VAV2: variants seen among roughly 807,000 people sequenced by gnomAD.
VAV2 encodes vav guanine nucleotide exchange factor 2, also known as guanine nucleotide exchange factor VAV2.
VAV2 carries 67 observed loss-of-function variants against 132.5 expected under a neutral mutation model. That is an observed-to-expected ratio of 0.51 (90% CI 0.42 to 0.62). The LOEUF is 0.62. VAV2 is among the 20% of genes least tolerant of loss of function. VAV2 has a pLI of 0.00. For missense variants in VAV2, 938 were observed against 1,153.6 expected (o/e 0.81, Z 2.71); for synonymous variants, 492 against 443.5 (o/e 1.11, Z -1.37).
intron 2 of VAV2, among the ~76,000 whole-genome samples, chr9:133,907,194 C>G (rs1839689313): frequency 6.6e-6 from 1 of 152,246 alleles, no homozygotes; most frequent in African/African-American, 2.4e-5. Flanking sequence ...GGCACACAGA[C>G]ACATGCGGCC....
Position 133,768,669 on chromosome 9 carries a change from CA to C in VAV2, c.2435-74del. The C allele has an allele frequency of 1.3e-6, 2 of 1,536,500 alleles. No homozygotes were observed. Among genetic ancestry groups the C allele is most frequent in the Non-Finnish European group, 1.8e-6 (2 of 1,142,428 alleles). ...CCAGTGATCCAGGAGGCCCTTGGGC[CA>C]AGCTGGGTCTCTCCCCTGGTGCCCA... On this transcript the variant is annotated intron_variant, in intron 28 of 29. Transcript: ENST00000371850. The surrounding 1 kb of genome is among the most constrained non-coding windows in gnomAD (Gnocchi z 5.3).
chr9:133,832,005 G>A (rs1363270462), intron 4 of VAV2, among the ~76,000 whole-genome samples: 1 of 152,192 alleles, frequency 6.6e-6, no homozygotes, highest in Non-Finnish European at 1.5e-5. Flanking sequence ...GCCCAGCAGT[G>A]CCCAGCCCCA....
intron 3 of VAV2, among the ~76,000 whole-genome samples, chr9:133,858,237 A>G (rs1226469864): frequency 6.6e-6 from 1 of 152,224 alleles, no homozygotes; most frequent in Non-Finnish European, 1.5e-5. Flanking sequence ...GGCTGTGGGC[A>G]TGCAGGATCA....
chr9:133,933,500 G>C (rs1449377255), intron 2 of VAV2, among the ~76,000 whole-genome samples: 1 of 108,958 alleles, frequency 9.2e-6, no homozygotes, highest in Non-Finnish European at 2.0e-5. Context: ...TGGATGGATG[G>C]ATGGTGAATG....
intron 2 of VAV2, among the ~76,000 whole-genome samples, chr9:133,875,745 A>T (rs1236188526): frequency 6.6e-6 from 1 of 152,106 alleles, no homozygotes; most frequent in Non-Finnish European, 1.5e-5. Context: ...GAATGAATTG[A>T]CGTTTGTGAT....
In VAV2 at chr9:133,910,372, C is replaced by A. The variant is rs79030754; in HGVS notation, c.321+28731G>T. On this transcript the variant is annotated intron_variant, in intron 2 of 29. Coordinates refer to ENST00000371850, the MANE Select transcript of VAV2 (RefSeq NM_001134398.2). ...AGCCTACTCTAACTGGCGCAAGCTGCGAGTTCAGACCTTCCAGATGGAGGC... is the reference window on the plus strand; with the variant it reads ...AGCCTACTCTAACTGGCGCAAGCTGAGAGTTCAGACCTTCCAGATGGAGGC... Among the ~76,000 whole-genome samples, 1,289 of 152,272 alleles carry A rather than the reference C, an allele frequency of 8.5e-3. 21 individuals are homozygous for A. Among genetic ancestry groups the A allele is most frequent in the African/African-American group, 0.029 (1,210 of 41,552 alleles).
chr9:133,992,057 C>A lies in VAV2; in HGVS notation c.204+18G>T. On this transcript the variant is annotated intron_variant, in intron 1 of 29. Coordinates refer to ENST00000371850, the MANE Select transcript of VAV2 (RefSeq NM_001134398.2). The surrounding 1 kb of genome is among the most constrained non-coding windows in gnomAD (Gnocchi z 5.5). ...GAACGCCGCCTCCCCGGGGCCCTCC[C>A]GCCCGCCGGGCGCTCACCTGGGACA... The A allele has an allele frequency of 6.5e-7, 1 of 1,532,114 alleles. No homozygotes were observed. Among genetic ancestry groups the A allele is most frequent in the East Asian group, 2.7e-5 (1 of 36,994 alleles). 94.9% of individuals were successfully genotyped at this position (1,532,114 alleles called of 1,614,324 possible). A position where few individuals can be genotyped will look rare whatever the true frequency, so the allele number is the denominator to read the frequency against.
rs1409650702 is a variant in VAV2, at chr9:133,769,803, CA to C, written c.2348-301del. ...GCACATAGCAGGTGCTCACTAAGGC[CA>C]GCTGTTCCTCTCCTGTCCAGCTCGG... On this transcript the variant is annotated intron_variant, in intron 27 of 29. Coordinates refer to ENST00000371850, the MANE Select transcript of VAV2 (RefSeq NM_001134398.2). This position sits in a 1 kb window ranked among gnomAD's most constrained non-coding sequence, Gnocchi z 8.1. Among the ~76,000 whole-genome samples the C allele has an allele frequency of 6.6e-6, 1 of 152,218 alleles. No homozygotes were observed. The highest frequency in any genetic ancestry group is 1.5e-5 in the Non-Finnish European group (1 of 68,020).
At position 133,954,715 on chromosome 9, in the gene VAV2, C is replaced by G. The variant is rs914690436; in HGVS notation, c.205-15496G>C. On this transcript the variant is annotated intron_variant, in intron 1 of 29. Transcript: ENST00000371850. ...TGCGTGTGGGGTGCCCATGCACATA[C>G]ATGTGGGGGTGCGCAGGTGCTTAGG... Among the ~76,000 whole-genome samples, 4 of 152,174 alleles carry G rather than the reference C, an allele frequency of 2.6e-5. 1 individual carries two copies. Among genetic ancestry groups the G allele is most frequent in the Admixed American group, 2.0e-4 (3 of 15,282 alleles).
intron 3 of VAV2, among the ~76,000 whole-genome samples, chr9:133,839,492 C>T (rs1236818360): frequency 6.6e-6 from 1 of 151,370 alleles, no homozygotes; most frequent in African/African-American, 2.4e-5. Context: ...ACACTGTCAC[C>T]CGGGCTGGAG....
chr9:133,932,752 G>A (rs183234837), intron 2 of VAV2, among the ~76,000 whole-genome samples: 71 of 152,322 alleles, frequency 4.7e-4, no homozygotes, highest in Middle Eastern at 6.8e-3. Context: ...GGGCCCGCCT[G>A]GCTCCACCGA....
intron 2 of VAV2, among the ~76,000 whole-genome samples, chr9:133,901,419 AG>A (rs1232642847): frequency 2.0e-5 from 3 of 152,236 alleles, no homozygotes; most frequent in Non-Finnish European, 4.4e-5. Flanking sequence ...ATCAAGAGGC[AG>A]GGTCTGTGTC....
chr9:133,956,861 T>G (rs1841798694), intron 1 of VAV2, among the ~76,000 whole-genome samples: 1 of 152,130 alleles, frequency 6.6e-6, no homozygotes, highest in African/African-American at 2.4e-5. Flanking sequence ...GAGCCCTCTG[T>G]GGGGGACAGG....
intron 3 of VAV2, among the ~76,000 whole-genome samples, chr9:133,859,675 C>T (rs757787434): frequency 6.6e-6 from 1 of 151,204 alleles, no homozygotes; most frequent in Admixed American, 6.6e-5. Flanking sequence ...AGTATAACCA[C>T]GCCACTGACA....
At chr9:133,920,858 G>A (rs981575610) in intron 2 of VAV2, among the ~76,000 whole-genome samples, 2 of 152,160 alleles carry the variant, frequency 1.3e-5, no homozygotes, top group African/African-American at 4.8e-5. Flanking sequence ...TGTCCCAGGA[G>A]TCTCCAAGCA....
rs183825816 is a variant in VAV2, at chr9:133,987,112, C to T, written c.204+4963G>A. Reference sequence around the variant, plus strand: ...CAGAGAGGAGGAAGCCCAGCCGTGGCCCTGCCTTGGAGGGGCTCAGACCTG... The same window carrying T: ...CAGAGAGGAGGAAGCCCAGCCGTGGTCCTGCCTTGGAGGGGCTCAGACCTG... On this transcript the variant is annotated intron_variant, in intron 1 of 29. Coordinates refer to ENST00000371850, the MANE Select transcript of VAV2 (RefSeq NM_001134398.2). 2.0e-5 allele frequency among the ~76,000 whole-genome samples: 3 copies of T among 152,182 alleles called. No homozygotes were observed. The East Asian group carries it at 5.8e-4, about 29-fold the overall frequency.
chr9:133,772,096 C>A, intron 25 of VAV2, 50 bp from the exon 26 acceptor site: 2 of 1,520,316 alleles, frequency 1.3e-6, no homozygotes, highest in Non-Finnish European at 9.1e-7. Flanking sequence ...CCACACGGCC[C>A]CGGCCCCCTT....
intron 21 of VAV2, among the ~76,000 whole-genome samples, chr9:133,779,223 G>A (rs754655739): frequency 1.3e-5 from 2 of 152,224 alleles, no homozygotes; most frequent in African/African-American, 2.4e-5. Flanking sequence ...TGTCAGAGAC[G>A]GGCGACGGGT....
chr9:133,875,796 T>C (rs951591436), intron 2 of VAV2, among the ~76,000 whole-genome samples: 7 of 152,130 alleles, frequency 4.6e-5, no homozygotes, highest in African/African-American at 1.7e-4. Context: ...CTGCCTGGGC[T>C]AAGGGGTACC....
Sources: allele counts gnomAD v4.1 joint callset (sites outside exome capture counted in the v4.1 genomes callset), GRCh38; gene constraint gnomAD v4.1.1; non-coding constraint Gnocchi (gnomAD v3.1); transcripts MANE v1.5; gene names NCBI Gene and HGNC (gene_info 2026-07-23, HGNC 2026-07-21).